Variants in SLC44A1 observed in about 807,000 individuals in gnomAD.
The protein encoded by SLC44A1 is choline transporter-like protein 1.
SLC44A1 carries 26 observed loss-of-function variants against 79.3 expected under a neutral mutation model. The observed-to-expected ratio is 0.33, with a 90% CI of 0.24 to 0.46. SLC44A1 has a LOEUF of 0.46. Ranked by LOEUF, SLC44A1 falls within the 20% of genes least tolerant of loss-of-function variation. SLC44A1 has a pLI of 1.00. For synonymous variants in SLC44A1, 263 were observed against 286.2 expected (o/e 0.92, Z 0.82); for missense variants, 688 against 798.1 (o/e 0.86, Z 1.66).
chr9:105,256,652 T>A (rs573044778), intron 1 of SLC44A1, among the ~76,000 whole-genome samples: 122 of 151,688 alleles, frequency 8.0e-4, no homozygotes, highest in Non-Finnish European at 1.5e-3. Context: ...AGCATCAATC[T>A]CCTGGGCTCA....
intron 1 of SLC44A1, among the ~76,000 whole-genome samples, chr9:105,258,177 A>G (rs1410468729): frequency 3.9e-5 from 6 of 152,212 alleles, no homozygotes; most frequent in Non-Finnish European, 7.3e-5. Flanking sequence ...TATAATGGCT[A>G]GACATGTTAG....
chr9:105,330,270 C>G (rs934609171), intron 3 of SLC44A1, among the ~76,000 whole-genome samples: 4 of 152,176 alleles, frequency 2.6e-5, no homozygotes, highest in Admixed American at 1.3e-4. Context: ...ACTTGCTGGT[C>G]TGTAACTCAC....
intron 1 of SLC44A1, among the ~76,000 whole-genome samples, chr9:105,258,328 C>CT (rs1483413448): frequency 3.9e-5 from 6 of 152,286 alleles, no homozygotes; most frequent in Admixed American, 3.3e-4. Flanking sequence ...TCAGAAAATG[C>CT]TTTAAGTCAT....
In SLC44A1 at chr9:105,364,472, G is replaced by A. The variant is rs1588835519; in HGVS notation, c.1088-83G>A. On this transcript the variant is annotated intron_variant, in intron 9 of 15. Coordinates refer to ENST00000374720, the MANE Select transcript of SLC44A1 (RefSeq NM_080546.5). Reference sequence around the variant, plus strand: ...CAGAAGGTTTGTGGCTTGGGGTAGGGACCTATTGCCTTCTACTTAACTGCC... The same window carrying A: ...CAGAAGGTTTGTGGCTTGGGGTAGGAACCTATTGCCTTCTACTTAACTGCC... 3 of 1,151,472 alleles carry A rather than the reference G, an allele frequency of 2.6e-6. No homozygotes were observed. The East Asian group carries it at 7.1e-5, about 27-fold the overall frequency. The allele number at this position is 1,151,472 out of a possible 1,614,324, so 71.3% of individuals were successfully genotyped here.
intron 13 of SLC44A1, among the ~76,000 whole-genome samples, chr9:105,380,565 T>G (rs895740423): frequency 3.3e-5 from 5 of 152,156 alleles, no homozygotes; most frequent in African/African-American, 1.2e-4. Context: ...CATTTATTTA[T>G]CAAATATTTA....
rs1200402740 is a variant in SLC44A1, at chr9:105,392,769, G to A, written c.*3713G>A. 4 of 985,256 alleles carry A rather than the reference G, an allele frequency of 4.1e-6. No homozygotes were observed. Among genetic ancestry groups the A allele is most frequent in the Non-Finnish European group, 4.8e-6 (4 of 829,902 alleles). The allele number at this position is 985,256 out of a possible 1,614,324, so 61.0% of individuals were successfully genotyped here. The stretch of plus-strand genomic sequence containing the variant: ...CCTGCAAGGTAGAATTCTGGGATCA[G>A]TTCCAAAACCAGAACTGCCAGTAAT... On this transcript the variant is annotated 3_prime_UTR_variant, in exon 16 of 16. Transcript: ENST00000374720.
At chr9:105,325,578 A>G (rs544983112) in intron 3 of SLC44A1, among the ~76,000 whole-genome samples, 9 of 152,238 alleles carry the variant, frequency 5.9e-5, no homozygotes, top group Admixed American at 2.0e-4. Context: ...CTGATATGCT[A>G]GCTCACATCT....
At chr9:105,331,396 A>G (rs1826744670) in intron 3 of SLC44A1, among the ~76,000 whole-genome samples, 1 of 152,224 alleles carries the variant, frequency 6.6e-6, no homozygotes, top group Non-Finnish European at 1.5e-5. Context: ...TGAAATACTC[A>G]TCTGTAGTTT....
At position 105,393,837 on chromosome 9, in the gene SLC44A1, G is replaced by T. The variant is rs556924702; in HGVS notation, c.*4781G>T. 1.9e-5 allele frequency: 19 copies of T among 984,874 alleles called. 1 individual carries two copies. In the South Asian group the frequency reaches 8.9e-4, roughly 46 times the overall value. The allele number at this position is 984,874 out of a possible 1,614,324, so 61.0% of individuals were successfully genotyped here. Reference sequence around the variant, plus strand: ...TGATGCTCAGTTTTACAACTTAAATGATTTTCTCCAGGACACGGAGCTCAG... The same window carrying T: ...TGATGCTCAGTTTTACAACTTAAATTATTTTCTCCAGGACACGGAGCTCAG... On this transcript the variant is annotated 3_prime_UTR_variant, in exon 16 of 16. Coordinates refer to ENST00000374720, the MANE Select transcript of SLC44A1 (RefSeq NM_080546.5).
chr9:105,311,459 G>A (rs1831178435), intron 3 of SLC44A1, among the ~76,000 whole-genome samples: 1 of 152,108 alleles, frequency 6.6e-6, no homozygotes, highest in East Asian at 1.9e-4. Flanking sequence ...CTCCAAGCCT[G>A]TTCTCACCAT....
chr9:105,366,475 G>A (rs1206064666), intron 12 of SLC44A1, 46 bp downstream of exon 12: 3 of 855,786 alleles, frequency 3.5e-6, no homozygotes, highest in Admixed American at 3.3e-5. Flanking sequence ...TCAAAGATAG[G>A]TTCATTGTTT....
Position 105,354,039 on chromosome 9 carries a change from C to CTTTTTTTTTTT in SLC44A1, c.501-2154_501-2144dup, listed in dbSNP as rs556502972. On this transcript the variant is annotated intron_variant, in intron 5 of 15. Transcript: ENST00000374720. ...TTGACTTAGAAATTTACAGTTAATC[C>CTTTTTTTTTTT]TTTTTTTTTTTTTTTTTTTTTTTTT... is the stretch of plus-strand genomic sequence containing the variant. Among the ~76,000 whole-genome samples, 107 of 98,480 alleles carry CTTTTTTTTTTT rather than the reference C, an allele frequency of 1.1e-3. 6 individuals carry two copies. The highest frequency in any genetic ancestry group is 5.3e-3 in the African/African-American group (104 of 19,762). The allele number at this position is 98,480 out of a possible 152,430, so 64.6% of individuals were successfully genotyped here.
At chr9:105,291,991 G>A (rs1830611720) in intron 1 of SLC44A1, among the ~76,000 whole-genome samples, 1 of 152,194 alleles carries the variant, frequency 6.6e-6, no homozygotes. Flanking sequence ...GAGTGGTGCT[G>A]TAATTGTGAA....
In SLC44A1 at chr9:105,362,887, G is replaced by T; in HGVS notation, c.967G>T (p.Val323Leu). The T allele has an allele frequency of 6.2e-7, 1 of 1,613,572 alleles. No individual in the cohort carries two copies. The highest frequency in any genetic ancestry group is 8.5e-7 in the Non-Finnish European group (1 of 1,179,812). ...RVALTIALFH[V>L]AGKVFIHLPL... is the part of the protein sequence containing the mutation. ...TGCTCTTACCATCGCCTTGTTCCAC[G>T]TAGCTGGCAAGGTCTTCATTCACTT... The change falls in exon 9 of 16, where the codon GTA becomes TTA. Residue 323 changes from valine to leucine, a missense_variant. Transcript: ENST00000374720.
intron 15 of SLC44A1, among the ~76,000 whole-genome samples, chr9:105,403,563 C>A (rs1305576843): frequency 6.6e-6 from 1 of 150,466 alleles, no homozygotes; most frequent in East Asian, 2.0e-4. Context: ...CTAAGAATAC[C>A]AGAATAAGAG....
intron 15 of SLC44A1, among the ~76,000 whole-genome samples, chr9:105,423,689 T>C (rs1201931871): frequency 2.0e-5 from 3 of 152,202 alleles, no homozygotes; most frequent in South Asian, 2.1e-4. Context: ...TCTCAGTAAA[T>C]AGTAACACTG....
intron 15 of SLC44A1, among the ~76,000 whole-genome samples, chr9:105,414,054 T>TG (rs1829134141): frequency 6.6e-6 from 1 of 151,834 alleles, no homozygotes; most frequent in African/African-American, 2.4e-5. Flanking sequence ...TGTTTGGTTT[T>TG]TTTTTTTTTT....
chr9:105,272,579 G>A (rs1830102288), intron 1 of SLC44A1, among the ~76,000 whole-genome samples: 1 of 151,302 alleles, frequency 6.6e-6, no homozygotes, highest in African/African-American at 2.4e-5. Context: ...TATGTATTAG[G>A]TATCACTATT....
rs1051047351 is a variant in SLC44A1 at position 105,375,517 on chromosome 9, T to C, written c.1632+782T>C. ...TGCCTCAGTTTGCTCATCTGTAAAA[T>C]TGGAATATAATAGTGCCAAACTCCT... is the stretch of plus-strand genomic sequence containing the variant. On this transcript the variant is annotated intron_variant, in intron 13 of 15. Transcript: ENST00000374720. 9.9e-5 allele frequency among the ~76,000 whole-genome samples: 15 copies of C among 152,276 alleles called. 1 individual carries two copies. The highest frequency in any genetic ancestry group is 3.4e-4 in the African/African-American group (14 of 41,552).
Sources: gnomAD v4.1 joint callset for allele counts (sites outside exome capture counted in the v4.1 genomes callset) on GRCh38, gnomAD v4.1.1 for gene constraint, MANE v1.5 for transcripts, NCBI Gene and HGNC (gene_info 2026-07-23, HGNC 2026-07-21) for gene names.